Variants in TSC22D1 observed in about 807,000 individuals in gnomAD.
TSC22D1 encodes TSC22 domain family member 1.
In TSC22D1, 9 loss-of-function variants were observed where a neutral mutation model predicts 74.2. That is an observed-to-expected ratio of 0.12 (90% CI 0.07 to 0.21). The LOEUF is 0.21. Ranked by LOEUF, TSC22D1 falls within the 10% of genes least tolerant of loss-of-function variation. The pLI is 1.00. For missense variants in TSC22D1, 1,427 were observed against 1,304.7 expected (o/e 1.09, Z -1.44); for synonymous variants, 586 against 492.5 (o/e 1.19, Z -2.51).
chr13:44,543,962 G>A (rs1248050466), intron 1 of TSC22D1, among the ~76,000 whole-genome samples: 13 of 151,976 alleles, frequency 8.6e-5, no homozygotes, highest in African/African-American at 2.9e-4. Context: ...GCATGGTGGC[G>A]CTCACCTGTA....
chr13:44,477,246 C>T (rs1877962295), intron 1 of TSC22D1, among the ~76,000 whole-genome samples: 1 of 152,172 alleles, frequency 6.6e-6, no homozygotes, highest in Non-Finnish European at 1.5e-5. Context: ...AGCCACCATG[C>T]CTGGCCAACC....
At chr13:44,467,152 A>G (rs1595098960) in intron 1 of TSC22D1, among the ~76,000 whole-genome samples, 1 of 151,326 alleles carries the variant, frequency 6.6e-6, no homozygotes, top group South Asian at 2.1e-4. Context: ...ACAGAGCAAG[A>G]CTCCTTCTCA....
At position 44,434,110 on chromosome 13, in the gene TSC22D1, G is replaced by T. The variant is rs114774421; in HGVS notation, c.*516C>A. On this transcript the variant is annotated 3_prime_UTR_variant, in exon 3 of 3. Coordinates refer to ENST00000458659, the MANE Select transcript of TSC22D1 (RefSeq NM_183422.4). ...GAGGCACAGTACTATTGTTTTTTAT[G>T]AATTTTGGTGACAGTTGTCAAATTT... 2.3e-5 allele frequency: 35 copies of T among 1,499,160 alleles called. No homozygotes were observed. In the African/African-American group the frequency reaches 2.6e-4, roughly 11 times the overall value. The allele number at this position is 1,499,160 out of a possible 1,614,324, so 92.9% of individuals were successfully genotyped here. A position where few individuals can be genotyped will look rare whatever the true frequency, so the allele number is the denominator to read the frequency against.
Position 44,510,236 on chromosome 13 carries a change from T to A in TSC22D1, c.2912+62927A>T, listed in dbSNP as rs868311829. On this transcript the variant is annotated intron_variant, in intron 1 of 2. Transcript: ENST00000458659. The stretch of plus-strand genomic sequence containing the variant: ...CTGTCTACTAAAAAAAAAAAAAAAA[T>A]ACAAAATTAGCCGGGCGTGGTGGCG... 3.9e-3 allele frequency among the ~76,000 whole-genome samples: 536 copies of A among 137,018 alleles called. 3 individuals are homozygous for A. The highest frequency in any genetic ancestry group is 0.013 in the African/African-American group (480 of 36,644). 89.9% of individuals were successfully genotyped at this position (137,018 alleles called of 152,430 possible).
chr13:44,472,568 T>TA (rs1259854806), intron 1 of TSC22D1, among the ~76,000 whole-genome samples: 1 of 152,010 alleles, frequency 6.6e-6, no homozygotes, highest in African/African-American at 2.4e-5. Context: ...GTAACCCCAA[T>TA]ATTGTGGGAG....
chr13:44,512,770 C>T (rs935037682), intron 1 of TSC22D1, among the ~76,000 whole-genome samples: 2 of 152,190 alleles, frequency 1.3e-5, no homozygotes, highest in Non-Finnish European at 2.9e-5. Flanking sequence ...CTGCCTCAGC[C>T]TCCCAAGTAG....
Position 44,433,618 on chromosome 13 carries a change from A to G in TSC22D1, c.*1008T>C, listed in dbSNP as rs1231188788. 2 of 201,556 alleles carry G rather than the reference A, an allele frequency of 9.9e-6. No individual in the cohort carries two copies. Among genetic ancestry groups the G allele is most frequent in the African/African-American group, 4.7e-5 (2 of 42,746 alleles). 12.5% of individuals were successfully genotyped at this position (201,556 alleles called of 1,614,324 possible). On this transcript the variant is annotated 3_prime_UTR_variant, in exon 3 of 3. Coordinates refer to ENST00000458659, the MANE Select transcript of TSC22D1 (RefSeq NM_183422.4). ...GTGTAGAGAACATGCACAGAAACATATGCATATAACTACTATACAGGTGAT... is the reference window on the plus strand; with the variant it reads ...GTGTAGAGAACATGCACAGAAACATGTGCATATAACTACTATACAGGTGAT...
At chr13:44,442,348 A>T (rs1875269174) in intron 1 of TSC22D1, among the ~76,000 whole-genome samples, 1 of 152,260 alleles carries the variant, frequency 6.6e-6, no homozygotes, top group Non-Finnish European at 1.5e-5. Context: ...AATGACCCAG[A>T]TATGACAAAG....
chr13:44,444,278 C>CAAAAAAAAAAAAAA, intron 1 of TSC22D1, among the ~76,000 whole-genome samples: 75 of 17,596 alleles, frequency 4.3e-3, no homozygotes, highest in Non-Finnish European at 5.0e-3. Context: ...GACTCTGTCT[C>CAAAAAAAAAAAAAA]AAAAAAAAAA....
At chr13:44,478,496 G>A (rs991005083) in intron 1 of TSC22D1, among the ~76,000 whole-genome samples, 31 of 152,090 alleles carry the variant, frequency 2.0e-4, no homozygotes, top group Non-Finnish European at 4.3e-4. Flanking sequence ...ATGCCAGAGT[G>A]TATATGCTTT....
chr13:44,507,376 G>A (rs1879492667), intron 1 of TSC22D1, among the ~76,000 whole-genome samples: 2 of 152,042 alleles, frequency 1.3e-5, no homozygotes. Flanking sequence ...CTGAGAAGGC[G>A]TCAGAGTAAT....
At chr13:44,494,829 G>A (rs1878892014) in intron 1 of TSC22D1, among the ~76,000 whole-genome samples, 1 of 152,110 alleles carries the variant, frequency 6.6e-6, no homozygotes, top group South Asian at 2.1e-4. Context: ...TATGCTCAAA[G>A]AGCTTAAAGG....
chr13:44,516,031 T>A (rs1017211458), intron 1 of TSC22D1, among the ~76,000 whole-genome samples: 11 of 152,196 alleles, frequency 7.2e-5, no homozygotes, highest in Admixed American at 3.3e-4. Flanking sequence ...AAACTTTTCA[T>A]GTTTTCTAAT....
intron 1 of TSC22D1, among the ~76,000 whole-genome samples, chr13:44,570,521 T>TA (rs1883690098): frequency 6.6e-6 from 1 of 151,990 alleles, no homozygotes; most frequent in Admixed American, 6.6e-5. Flanking sequence ...ATAAGAATGA[T>TA]TTTTTTTAAA....
chr13:44,533,882 T>C (rs975185815), intron 1 of TSC22D1, among the ~76,000 whole-genome samples: 2 of 152,182 alleles, frequency 1.3e-5, no homozygotes, highest in African/African-American at 4.8e-5. Flanking sequence ...GCAAAGGTAA[T>C]GATGGCATGT....
intron 1 of TSC22D1, among the ~76,000 whole-genome samples, chr13:44,479,189 C>T (rs917467809): frequency 6.6e-6 from 1 of 152,160 alleles, no homozygotes; most frequent in African/African-American, 2.4e-5. Context: ...ACCTTTAGCA[C>T]ACAGTCTAGA....
Position 44,542,454 on chromosome 13 carries a change from G to A in TSC22D1, c.2912+30709C>T, listed in dbSNP as rs374510156. ...TTATCACACACCACAGTATAATATAGATAAAAAGTACAACAAACTTAGATT... is the reference window on the plus strand; with the variant it reads ...TTATCACACACCACAGTATAATATAAATAAAAAGTACAACAAACTTAGATT... On this transcript the variant is annotated intron_variant, in intron 1 of 2. Transcript: ENST00000458659. Among the ~76,000 whole-genome samples the A allele has an allele frequency of 5.6e-4, 85 of 152,042 alleles. 2 individuals carry two copies. In the South Asian group the frequency reaches 0.013, roughly 23 times the overall value.
intron 1 of TSC22D1, among the ~76,000 whole-genome samples, chr13:44,476,457 A>T (rs911644498): frequency 1.3e-5 from 2 of 152,178 alleles, no homozygotes; most frequent in African/African-American, 2.4e-5. Flanking sequence ...ATCAATATAC[A>T]AAAACAGGGA....
chr13:44,493,841 T>C (rs985520596), intron 1 of TSC22D1, among the ~76,000 whole-genome samples: 8 of 152,194 alleles, frequency 5.3e-5, no homozygotes, highest in Admixed American at 2.0e-4. Context: ...GCTCCAGGTA[T>C]TCAAGGCCAT....
Sources: gnomAD v4.1 joint callset for allele counts (sites outside exome capture counted in the v4.1 genomes callset) on GRCh38, gnomAD v4.1.1 for gene constraint, MANE v1.5 for transcripts, NCBI Gene and HGNC (gene_info 2026-07-23, HGNC 2026-07-21) for gene names.